CCSER1: variants seen among roughly 807,000 people sequenced by gnomAD.
The protein encoded by CCSER1 is serine-rich coiled-coil domain-containing protein 1.
A neutral mutation model predicts 82.0 loss-of-function variants in CCSER1; 41 were observed. The observed-to-expected ratio is 0.50, with a 90% confidence interval of 0.39 to 0.65. The LOEUF is 0.65. Ranked by LOEUF, CCSER1 falls within the 30% of genes least tolerant of loss-of-function variation. CCSER1 has a pLI of 0.00. For synonymous variants in CCSER1, 414 were observed against 383.9 expected, an observed-to-expected ratio of 1.08 and a Z score of -0.92; for missense variants, 1,119 against 1,064.2, an observed-to-expected ratio of 1.05 and a Z score of -0.72.
Position 91,147,801 on chromosome 4 carries a change from C to T in CCSER1, c.2217+61807C>T, listed in dbSNP as rs2148944577. The stretch of plus-strand genomic sequence containing the variant: ...TAAATATATTCATGATAAAAATGTA[C>T]TGTCTGTTAGGAGAGAAAAAATGAT... On this transcript the variant is annotated intron_variant, in intron 10 of 10. Coordinates refer to ENST00000509176, the MANE Select transcript of CCSER1 (RefSeq NM_001145065.2). 1.3e-5 allele frequency among the ~76,000 whole-genome samples: 2 copies of T among 152,286 alleles called. 1 individual carries two copies. Among genetic ancestry groups the T allele is most frequent in the South Asian group, 4.1e-4 (2 of 4,826 alleles).
chr4:91,061,733 A>C (rs1743969823), intron 9 of CCSER1, among the ~76,000 whole-genome samples: 1 of 152,066 alleles, frequency 6.6e-6, no homozygotes, highest in South Asian at 2.1e-4. Flanking sequence ...AATTTGAATA[A>C]TAAGCAAATA....
chr4:91,119,019 A>G (rs1440198677), intron 10 of CCSER1, among the ~76,000 whole-genome samples: 2 of 152,148 alleles, frequency 1.3e-5, no homozygotes, highest in African/African-American at 4.8e-5. Flanking sequence ...CTTCCTTAAA[A>G]GAGGTGTGAA....
chr4:91,087,324 C>T (rs1005735712), intron 10 of CCSER1, among the ~76,000 whole-genome samples: 82 of 152,136 alleles, frequency 5.4e-4, no homozygotes, highest in African/African-American at 1.8e-3. Flanking sequence ...TATATCCGTA[C>T]GATGGCATTG....
At position 91,598,650 on chromosome 4, in the gene CCSER1, C is replaced by T. The variant is rs569829898; in HGVS notation, c.2296C>T (p.Arg766Cys). The T allele has an allele frequency of 7.1e-6, 11 of 1,551,394 alleles. No homozygotes were observed. The highest frequency in any genetic ancestry group is 2.4e-5 in the East Asian group (1 of 40,914). ...RKAIHTPTED[R>C]FRYSAADQTS... is the part of the protein sequence containing the mutation. The stretch of plus-strand genomic sequence containing the variant: ...AGCAATACATACTCCCACCGAGGAC[C>T]GTTTTAGGTATTCGGCAGCGGACCA... The change falls in exon 11 of 11, where the codon CGT becomes TGT. Residue 766 changes from arginine to cysteine, a missense_variant. Coordinates refer to ENST00000509176, the MANE Select transcript of CCSER1 (RefSeq NM_001145065.2).
At chr4:90,651,954 G>A (rs1728833420) in intron 6 of CCSER1, among the ~76,000 whole-genome samples, 1 of 152,202 alleles carries the variant, frequency 6.6e-6, no homozygotes, top group South Asian at 2.1e-4. Flanking sequence ...GACAACTGGA[G>A]TCAATGGAAA....
At chr4:91,237,397 A>C (rs958326281) in intron 10 of CCSER1, among the ~76,000 whole-genome samples, 1 of 151,002 alleles carries the variant, frequency 6.6e-6, no homozygotes, top group Admixed American at 6.6e-5. Flanking sequence ...ATATATATAT[A>C]AAGTTTATAT....
At chr4:91,158,620 CTGTGTGTGTG>C (rs145928017) in intron 10 of CCSER1, among the ~76,000 whole-genome samples, 7 of 148,662 alleles carry the variant, frequency 4.7e-5, no homozygotes, top group South Asian at 2.2e-4. Context: ...CCCTCTCTTT[CTGTGTGTGTG>C]TGTGTGTGTG....
chr4:91,025,738 G>A (rs1375906080), intron 9 of CCSER1, among the ~76,000 whole-genome samples: 1 of 152,098 alleles, frequency 6.6e-6, no homozygotes. Flanking sequence ...CCACACTGTT[G>A]CAGTGGAACC....
chr4:91,147,099 G>A (rs1191347107), intron 10 of CCSER1, among the ~76,000 whole-genome samples: 1 of 152,176 alleles, frequency 6.6e-6, no homozygotes, highest in Middle Eastern at 3.2e-3. Flanking sequence ...ATTCCCCAGG[G>A]TTCCACTGGT....
intron 10 of CCSER1, among the ~76,000 whole-genome samples, chr4:91,504,469 T>A (rs1759380363): frequency 6.6e-6 from 1 of 152,130 alleles, no homozygotes; most frequent in Non-Finnish European, 1.5e-5. Flanking sequence ...AACATTTGAG[T>A]GTCTTAATTG....
At chr4:91,529,493 C>A (rs1439554057) in intron 10 of CCSER1, among the ~76,000 whole-genome samples, 1 of 151,990 alleles carries the variant, frequency 6.6e-6, no homozygotes, top group Non-Finnish European at 1.5e-5. Context: ...TGATTTATGA[C>A]TTATCAAATT....
chr4:90,997,072 G>C (rs2150464197), intron 9 of CCSER1, among the ~76,000 whole-genome samples: 1 of 152,240 alleles, frequency 6.6e-6, no homozygotes, highest in African/African-American at 2.4e-5. Flanking sequence ...CTGTAACAAA[G>C]AACCACAGTG....
At position 91,603,957 on chromosome 4, in the gene CCSER1, GC is replaced by G. The variant is rs1473016074; in HGVS notation, c.*4904del. 5 of 151,844 alleles carry G rather than the reference GC, an allele frequency of 3.3e-5. No individual in the cohort carries two copies. Among genetic ancestry groups the G allele is most frequent in the Non-Finnish European group, 7.4e-5 (5 of 67,970 alleles). The allele number at this position is 151,844 out of a possible 1,614,324, so 9.4% of individuals were successfully genotyped here. On this transcript the variant is annotated 3_prime_UTR_variant, in exon 11 of 11. Coordinates refer to ENST00000509176, the MANE Select transcript of CCSER1 (RefSeq NM_001145065.2). The stretch of plus-strand genomic sequence containing the variant: ...ATCTAAACCTAATTACTTCCCAAGC[GC>G]CCCAACTTCAAGCACCATCACACTG...
chr4:91,139,594 G>A (rs1167684708), intron 10 of CCSER1, among the ~76,000 whole-genome samples: 1 of 152,094 alleles, frequency 6.6e-6, no homozygotes, highest in Non-Finnish European at 1.5e-5. Flanking sequence ...ATAGAGTGTT[G>A]GAGTCCTGAA....
At chr4:91,404,416 G>C (rs1050347484) in intron 10 of CCSER1, among the ~76,000 whole-genome samples, 2 of 152,018 alleles carry the variant, frequency 1.3e-5, no homozygotes, top group Non-Finnish European at 1.5e-5. Flanking sequence ...TCTGATCTTA[G>C]TTATTTCTTG....
chr4:91,131,130 TAAA>T (rs1727952450), intron 10 of CCSER1, among the ~76,000 whole-genome samples: 1 of 152,096 alleles, frequency 6.6e-6, no homozygotes, highest in East Asian at 1.9e-4. Flanking sequence ...ATTTTTGTTC[TAAA>T]AAACAATTGT....
intron 10 of CCSER1, among the ~76,000 whole-genome samples, chr4:91,403,442 G>A (rs1163847195): frequency 6.6e-6 from 1 of 152,144 alleles, no homozygotes; most frequent in Non-Finnish European, 1.5e-5. Context: ...TTCAATAGGA[G>A]TAGTGAGAAA....
In CCSER1 at chr4:90,731,591, T is replaced by C. The variant is rs188246461; in HGVS notation, c.2010+7600T>C. 4.9e-3 allele frequency among the ~76,000 whole-genome samples: 751 copies of C among 152,266 alleles called. 2 individuals are homozygous for C. The highest frequency in any genetic ancestry group is 0.017 in the African/African-American group (711 of 41,564). On this transcript the variant is annotated intron_variant, in intron 7 of 10. Coordinates refer to ENST00000509176, the MANE Select transcript of CCSER1 (RefSeq NM_001145065.2). ...TTCTTTGAGGGATAGCTGATGAATT[T>C]TGAATATAAACCATACAATAGGTAT...
intron 9 of CCSER1, among the ~76,000 whole-genome samples, chr4:90,995,238 T>C (rs113096913): frequency 4.0e-4 from 61 of 152,304 alleles, no homozygotes; most frequent in African/African-American, 1.4e-3. Context: ...TGCCTGCTTC[T>C]AAAAGGAATG....
Sources: gnomAD v4.1 joint callset for allele counts (sites outside exome capture counted in the v4.1 genomes callset) on GRCh38, gnomAD v4.1.1 for gene constraint, MANE v1.5 for transcripts, NCBI Gene and HGNC (gene_info 2026-07-23, HGNC 2026-07-21) for gene names.